CSMD1: variants seen among roughly 807,000 people sequenced by gnomAD.
CSMD1 encodes the protein CUB and Sushi multiple domains 1, also known as CUB and sushi domain-containing protein 1.
In CSMD1, 213 loss-of-function variants were observed where a neutral mutation model predicts 417.5. That is an observed-to-expected ratio of 0.51 (90% CI 0.46 to 0.57). The LOEUF (loss-of-function observed/expected upper bound fraction) is 0.57, where lower values mean the gene tolerates loss of function less well. Among genes scored for constraint, CSMD1 ranks in the 20% least tolerant of loss-of-function variants. The pLI is 0.00. For missense variants in CSMD1, 6,923 were observed against 4,529.7 expected (o/e 1.53, Z -15.17); for synonymous variants, 2,862 against 1,736.8 (o/e 1.65, Z -16.11).
chr8:4,325,820 C>G (rs1201632055), intron 3 of CSMD1, among the ~76,000 whole-genome samples: 1 of 152,042 alleles, frequency 6.6e-6, no homozygotes, highest in Non-Finnish European at 1.5e-5. Flanking sequence ...ACCCTGAGAA[C>G]GACTGTAGAT....
At chr8:4,013,448 G>A (rs1021966196) in intron 4 of CSMD1, among the ~76,000 whole-genome samples, 1 of 152,102 alleles carries the variant, frequency 6.6e-6, no homozygotes, top group African/African-American at 2.4e-5. Flanking sequence ...TCTACTATCA[G>A]GGGGGTTTCC....
At chr8:4,817,674 T>A (rs1799284664) in intron 1 of CSMD1, among the ~76,000 whole-genome samples, 1 of 152,248 alleles carries the variant, frequency 6.6e-6, no homozygotes, top group Non-Finnish European at 1.5e-5. Context: ...GGCAGATGTA[T>A]CAAAAGATAA....
rs958018285 is a variant in CSMD1 at position 3,930,579 on chromosome 8, C to T, written c.818+67324G>A. Among the ~76,000 whole-genome samples the T allele has an allele frequency of 3.3e-5, 5 of 150,294 alleles. 1 individual carries two copies. The highest frequency in any genetic ancestry group is 7.4e-5 in the Non-Finnish European group (5 of 67,518). On this transcript the variant is annotated intron_variant, in intron 5 of 69. Transcript: ENST00000635120. Reference sequence around the variant, plus strand: ...CGGGACAAATACAGAATCTGAGGTCCCGTTCCAGCCAAAGGAAACGGGACA... The same window carrying T: ...CGGGACAAATACAGAATCTGAGGTCTCGTTCCAGCCAAAGGAAACGGGACA...
chr8:4,040,757 C>G (rs960710759), intron 3 of CSMD1, among the ~76,000 whole-genome samples: 11 of 152,070 alleles, frequency 7.2e-5, no homozygotes, highest in Admixed American at 1.3e-4. Flanking sequence ...GGTAAGCGAC[C>G]AGTTGGCAAA....
At chr8:4,214,660 G>T (rs141299032) in intron 3 of CSMD1, among the ~76,000 whole-genome samples, 1 of 152,136 alleles carries the variant, frequency 6.6e-6, no homozygotes, top group East Asian at 1.9e-4. Flanking sequence ...GTATGTGTGT[G>T]TGTATGAGTA....
intron 26 of CSMD1, among the ~76,000 whole-genome samples, chr8:3,273,740 C>G (rs1007334258): frequency 6.6e-6 from 1 of 152,096 alleles, no homozygotes; most frequent in Non-Finnish European, 1.5e-5. Flanking sequence ...GTAGTATTCT[C>G]TGATGGCAGT....
intron 7 of CSMD1, among the ~76,000 whole-genome samples, chr8:3,687,305 T>G (rs1209839600): frequency 6.6e-6 from 1 of 152,158 alleles, no homozygotes; most frequent in African/African-American, 2.4e-5. Context: ...GTATGATGGA[T>G]GAAAAGGTGA....
intron 11 of CSMD1, among the ~76,000 whole-genome samples, chr8:3,486,958 C>A (rs964240170): frequency 1.3e-5 from 2 of 152,164 alleles, no homozygotes; most frequent in Non-Finnish European, 2.9e-5. Context: ...GCAGCCCTAG[C>A]CATCCTGAAG....
chr8:3,503,831 T>G (rs1440342611), intron 10 of CSMD1, among the ~76,000 whole-genome samples: 1 of 50,670 alleles, frequency 2.0e-5, no homozygotes, highest in African/African-American at 6.5e-5. Flanking sequence ...CCATCCCCCC[T>G]TGCCCCCCCC....
chr8:4,117,784 A>T (rs1342180904), intron 3 of CSMD1, among the ~76,000 whole-genome samples: 1 of 152,152 alleles, frequency 6.6e-6, no homozygotes, highest in African/African-American at 2.4e-5. Flanking sequence ...CCATTCAGAG[A>T]ATGTCAGGCT....
intron 3 of CSMD1, among the ~76,000 whole-genome samples, chr8:4,270,774 C>G (rs529733586): frequency 1.3e-5 from 2 of 152,298 alleles, no homozygotes; most frequent in South Asian, 2.1e-4. Context: ...CACGGCACCC[C>G]CCAGGGGGCT....
At chr8:3,745,335 T>G (rs1584936016) in intron 6 of CSMD1, among the ~76,000 whole-genome samples, 1 of 152,188 alleles carries the variant, frequency 6.6e-6, no homozygotes, top group East Asian at 1.9e-4. Flanking sequence ...TGGAATCTCA[T>G]GAGCCTTTAA....
intron 1 of CSMD1, among the ~76,000 whole-genome samples, chr8:4,835,557 G>C (rs910680063): frequency 6.6e-6 from 1 of 152,140 alleles, no homozygotes; most frequent in East Asian, 1.9e-4. Context: ...GGTTAAGTTA[G>C]CACACAGAGA....
chr8:4,163,079 T>C (rs1025771812), intron 3 of CSMD1, among the ~76,000 whole-genome samples: 12 of 152,212 alleles, frequency 7.9e-5, no homozygotes, highest in Admixed American at 5.9e-4. Context: ...AATTTTGTTT[T>C]AGCAATGAAT....
In CSMD1 at chr8:4,676,677, A is replaced by G. The variant is rs960806834; in HGVS notation, c.86-39119T>C. Among the ~76,000 whole-genome samples the G allele has an allele frequency of 4.5e-4, 69 of 152,064 alleles. 1 individual carries two copies. ...AAGGAAAAAAGAACAATTTTATTATAGCCTATGTAGCGTATCAATGTCACG... is the reference window on the plus strand; with the variant it reads ...AAGGAAAAAAGAACAATTTTATTATGGCCTATGTAGCGTATCAATGTCACG... On this transcript the variant is annotated intron_variant, in intron 1 of 69. Transcript: ENST00000635120.
At chr8:4,831,417 C>A (rs1219081002) in intron 1 of CSMD1, among the ~76,000 whole-genome samples, 1 of 152,168 alleles carries the variant, frequency 6.6e-6, no homozygotes, top group Non-Finnish European at 1.5e-5. Flanking sequence ...TATTGAATAA[C>A]TACAAATATC....
At chr8:4,835,264 G>T (rs928397681) in intron 1 of CSMD1, among the ~76,000 whole-genome samples, 1 of 152,074 alleles carries the variant, frequency 6.6e-6, no homozygotes, top group African/African-American at 2.4e-5. Context: ...GGATACTAAG[G>T]AGAGGTTACA....
intron 56 of CSMD1, among the ~76,000 whole-genome samples, chr8:2,973,756 T>C (rs73179595): frequency 6.6e-6 from 1 of 152,066 alleles, no homozygotes; most frequent in African/African-American, 2.4e-5. Context: ...TTAAGAAACA[T>C]TCGTGAAAAA....
chr8:4,194,539 T>C (rs921487406), intron 3 of CSMD1, among the ~76,000 whole-genome samples: 2 of 152,174 alleles, frequency 1.3e-5, no homozygotes, highest in African/African-American at 2.4e-5. Context: ...ACTATTTTTA[T>C]TATAATGTTG....
Sources: gnomAD v4.1 joint callset for allele counts (sites outside exome capture counted in the v4.1 genomes callset) on GRCh38, gnomAD v4.1.1 for gene constraint, MANE v1.5 for transcripts, NCBI Gene and HGNC (gene_info 2026-07-23, HGNC 2026-07-21) for gene names.